The following LMAN2L variants were observed in gnomAD, a reference collection of about 807,000 sequenced individuals.
LMAN2L encodes the protein lectin, mannose binding 2 like, also known as VIP36-like protein.
In LMAN2L, 30 loss-of-function variants were observed where a neutral mutation model predicts 44.3. That is an observed-to-expected ratio of 0.68 (90% confidence interval 0.51 to 0.92). LMAN2L has a LOEUF of 0.92. Ranked by LOEUF, LMAN2L falls within the 40% of genes least tolerant of loss-of-function variation. The pLI is 0.00. For synonymous variants in LMAN2L, 183 were observed against 171.1 expected (o/e 1.07, Z -0.54); for missense variants, 429 against 446.1 (o/e 0.96, Z 0.35).
chr2:96,715,244 T>G (rs969640776), intron 4 of LMAN2L, among the ~76,000 whole-genome samples: 1 of 152,210 alleles, frequency 6.6e-6, no homozygotes, highest in African/African-American at 2.4e-5. Flanking sequence ...GCCAGGATTA[T>G]GTATTTTTAA....
In LMAN2L at chr2:96,707,977, C is replaced by T. The variant is rs866668058; in HGVS notation, c.785-144G>A. On this transcript the variant is annotated intron_variant, in intron 6 of 7. Transcript: ENST00000264963. ...TAATTGAAACCTCTCCATTTTGCAA[C>T]TAAAAATAAGGATGGGGAACAAGGC... is the stretch of plus-strand genomic sequence containing the variant. The T allele has an allele frequency of 2.0e-5, 16 of 806,094 alleles. 2 individuals carry two copies. In the Middle Eastern group the frequency reaches 4.2e-3, roughly 213 times the overall value. The allele number at this position is 806,094 out of a possible 1,614,324, so 49.9% of individuals were successfully genotyped here. A position where few individuals can be genotyped will look rare whatever the true frequency, so the allele number is the denominator to read the frequency against.
intron 4 of LMAN2L, among the ~76,000 whole-genome samples, chr2:96,724,545 A>G (rs2078227171): frequency 6.6e-6 from 1 of 152,106 alleles, no homozygotes; most frequent in Non-Finnish European, 1.5e-5. Flanking sequence ...TTGCTCTGTT[A>G]CTGAGGCTAG....
rs1305153622 is a variant in LMAN2L, at chr2:96,706,466, T to A, written c.*790A>T. Reference sequence around the variant, plus strand: ...CAGCTAATCCATGGCATCCATGATGTCTTCCAGGCTTCTCTTGATTTTTAC... The same window carrying A: ...CAGCTAATCCATGGCATCCATGATGACTTCCAGGCTTCTCTTGATTTTTAC... On this transcript the variant is annotated 3_prime_UTR_variant, in exon 8 of 8. Transcript: ENST00000264963. The A allele has an allele frequency of 3.9e-5, 6 of 152,226 alleles. No homozygotes were observed. The highest frequency in any genetic ancestry group is 1.4e-4 in the African/African-American group (6 of 41,456). The allele number at this position is 152,226 out of a possible 1,614,324, so 9.4% of individuals were successfully genotyped here. A position where few individuals can be genotyped will look rare whatever the true frequency, so the allele number is the denominator to read the frequency against.
rs548553291 is a variant in LMAN2L at position 96,737,781 on chromosome 2, C to T, written c.306+168G>A. On this transcript the variant is annotated intron_variant, in intron 2 of 7. Coordinates refer to ENST00000264963, the MANE Select transcript of LMAN2L (RefSeq NM_030805.4). ...TAAATAGAGAGCATTTTCCTAAATA[C>T]CTGATTTATTTATTATCAAGGTCAG... Among the ~76,000 whole-genome samples the T allele has an allele frequency of 3.9e-5, 6 of 152,200 alleles. No individual in the cohort carries two copies. The South Asian group carries it at 1.0e-3, about 26-fold the overall frequency.
intron 4 of LMAN2L, among the ~76,000 whole-genome samples, chr2:96,725,440 TTTTC>T (rs2078249460): frequency 6.6e-6 from 1 of 151,124 alleles, no homozygotes; most frequent in South Asian, 2.1e-4. Context: ...TTCTATTAAA[TTTTC>T]TTTTTTTTTT....
chr2:96,728,226 G>A lies in LMAN2L; in HGVS notation c.507+5293C>T, dbSNP rs1265299614. Among the ~76,000 whole-genome samples the A allele has an allele frequency of 5.3e-5, 8 of 152,066 alleles. No homozygotes were observed. The East Asian group carries it at 5.8e-4, about 11-fold the overall frequency. On this transcript the variant is annotated intron_variant, in intron 4 of 7. Coordinates refer to ENST00000264963, the MANE Select transcript of LMAN2L (RefSeq NM_030805.4). ...GCACTGGCCAGGCGCGGTGGCTCAC[G>A]CCTGTAATCCCAGCACTTTGGGAGA... is the stretch of plus-strand genomic sequence containing the variant.
chr2:96,739,403 C>A (rs913845772), intron 1 of LMAN2L, among the ~76,000 whole-genome samples: 4 of 152,200 alleles, frequency 2.6e-5, no homozygotes, highest in Admixed American at 6.5e-5. Context: ...GGCCCCTAGG[C>A]TGGAGAAGAG....
In LMAN2L at chr2:96,730,712, G is replaced by A. The variant is rs141233341; in HGVS notation, c.507+2807C>T. ...TTTTGAGATGGAGTTTCACTCTGTCGCCCAGGCTGGAGTGCAGTGGCGTGA... is the reference window on the plus strand; with the variant it reads ...TTTTGAGATGGAGTTTCACTCTGTCACCCAGGCTGGAGTGCAGTGGCGTGA... On this transcript the variant is annotated intron_variant, in intron 4 of 7. Coordinates refer to ENST00000264963, the MANE Select transcript of LMAN2L (RefSeq NM_030805.4). 2.3e-3 allele frequency among the ~76,000 whole-genome samples: 344 copies of A among 151,422 alleles called. 3 individuals carry two copies. The highest frequency in any genetic ancestry group is 8.1e-3 in the African/African-American group (334 of 41,066).
At chr2:96,709,171 G>A (rs1482047547) in intron 6 of LMAN2L, among the ~76,000 whole-genome samples, 2 of 151,764 alleles carry the variant, frequency 1.3e-5, no homozygotes, top group South Asian at 2.1e-4. Flanking sequence ...TCCACCTGCC[G>A]TGGCCTCCCA....
At chr2:96,739,828 C>T in intron 1 of LMAN2L, 26 bp downstream of exon 1, 6 of 1,609,958 alleles carry the variant, frequency 3.7e-6, no homozygotes, top group Non-Finnish European at 5.1e-6. Context: ...CCCCACTGCA[C>T]GACCACCTCA....
chr2:96,724,559 G>A (rs1039473869), intron 4 of LMAN2L, among the ~76,000 whole-genome samples: 2 of 152,186 alleles, frequency 1.3e-5, no homozygotes, highest in Admixed American at 6.5e-5. Flanking sequence ...AGGCTAGAGT[G>A]CAGCGATGCG....
At chr2:96,735,760 C>T (rs1006729719) in intron 2 of LMAN2L, among the ~76,000 whole-genome samples, 3 of 151,932 alleles carry the variant, frequency 2.0e-5, no homozygotes, top group Non-Finnish European at 4.4e-5. Context: ...ATGGCGTGAA[C>T]CCAGGAGGCA....
rs186001311 is a variant in LMAN2L at position 96,727,980 on chromosome 2, T to A, written c.507+5539A>T. ...CAGTTTCTTACCCACAAAATAGAGA[T>A]AATACTATCATCTACCCCAAAAGGT... On this transcript the variant is annotated intron_variant, in intron 4 of 7. Coordinates refer to ENST00000264963, the MANE Select transcript of LMAN2L (RefSeq NM_030805.4). Among the ~76,000 whole-genome samples, 13 of 152,308 alleles carry A rather than the reference T, an allele frequency of 8.5e-5. No homozygotes were observed. The South Asian group carries it at 2.3e-3, about 27-fold the overall frequency.
chr2:96,735,042 C>G (rs971941034), intron 2 of LMAN2L, among the ~76,000 whole-genome samples: 1 of 152,222 alleles, frequency 6.6e-6, no homozygotes, highest in Non-Finnish European at 1.5e-5. Context: ...CTACAAACAA[C>G]TCTAATTAGC....
At chr2:96,730,864 G>A (rs1018244745) in intron 4 of LMAN2L, among the ~76,000 whole-genome samples, 5 of 152,050 alleles carry the variant, frequency 3.3e-5, no homozygotes, top group African/African-American at 4.8e-5. Flanking sequence ...TAGTAGAGAC[G>A]GGGTTTCGCC....
At chr2:96,713,147 G>A (rs775483368) in intron 4 of LMAN2L, 2 of 1,550,994 alleles carry the variant, frequency 1.3e-6, no homozygotes, top group Non-Finnish European at 1.7e-6. Flanking sequence ...GGCCTGAGAG[G>A]GTCCAGCAGG....
chr2:96,733,706 A>G, intron 3 of LMAN2L, 105 bp from the exon 4 acceptor site: 1 of 877,040 alleles, frequency 1.1e-6, no homozygotes. Flanking sequence ...AATGACTCCC[A>G]AGCCTCTCTC....
intron 4 of LMAN2L, among the ~76,000 whole-genome samples, chr2:96,729,561 T>G (rs1473014717): frequency 6.6e-6 from 1 of 151,114 alleles, no homozygotes; most frequent in Non-Finnish European, 1.5e-5. Context: ...CAGGCTGGAG[T>G]GCAAGGGCAT....
At chr2:96,711,428 C>T (rs1027889475) in intron 6 of LMAN2L, among the ~76,000 whole-genome samples, 2 of 152,228 alleles carry the variant, frequency 1.3e-5, no homozygotes, top group Admixed American at 1.3e-4. Flanking sequence ...AAGGGACAAA[C>T]ACTGCTTTCT....
Sources: gnomAD v4.1 joint callset for allele counts (sites outside exome capture counted in the v4.1 genomes callset) on GRCh38, gnomAD v4.1.1 for gene constraint, MANE v1.5 for transcripts, NCBI Gene and HGNC (gene_info 2026-07-23, HGNC 2026-07-21) for gene names.